Variants in RANBP17 observed in about 807,000 individuals in gnomAD.
RANBP17 encodes ran-binding protein 17.
In RANBP17, 158 loss-of-function variants were observed where a neutral mutation model predicts 141.2. The ratio of observed to expected loss-of-function variants is 1.12; its 90% CI spans 0.98 to 1.28. The LOEUF is 1.28. Ranked by LOEUF, RANBP17 falls within the 50% of genes most tolerant of loss-of-function variation. The pLI, the probability that RANBP17 is intolerant of heterozygous loss-of-function variation, is 0.00. For missense variants in RANBP17, 1,438 were observed against 1,290.7 expected (o/e 1.11, Z -1.75); for synonymous variants, 430 against 450.0 (o/e 0.96, Z 0.56).
intron 12 of RANBP17, among the ~76,000 whole-genome samples, chr5:170,944,089 G>A (rs753344373): frequency 1.3e-5 from 2 of 151,994 alleles, no homozygotes; most frequent in Non-Finnish European, 2.9e-5. Context: ...TTCTGCATAT[G>A]AGTGAGACCG....
At chr5:171,217,457 A>G (rs926291991) in intron 21 of RANBP17, among the ~76,000 whole-genome samples, 1 of 152,010 alleles carries the variant, frequency 6.6e-6, no homozygotes, top group African/African-American at 2.4e-5. Flanking sequence ...GTCTTTTTCT[A>G]TTGTTTGGAA....
chr5:170,996,445 G>C (rs1175958219), intron 14 of RANBP17, among the ~76,000 whole-genome samples: 1 of 152,112 alleles, frequency 6.6e-6, no homozygotes, highest in Non-Finnish European at 1.5e-5. Flanking sequence ...TTGAAATTGG[G>C]ATTTGTTTTA....
At chr5:170,937,034 AG>A (rs1339814809) in intron 12 of RANBP17, among the ~76,000 whole-genome samples, 1 of 152,148 alleles carries the variant, frequency 6.6e-6, no homozygotes, top group African/African-American at 2.4e-5. Context: ...TTATATTTAA[AG>A]TGTGTCTTTT....
At chr5:171,216,850 C>T (rs1434268845) in intron 21 of RANBP17, among the ~76,000 whole-genome samples, 2 of 152,174 alleles carry the variant, frequency 1.3e-5, no homozygotes, top group African/African-American at 2.4e-5. Flanking sequence ...ATCATGTCAT[C>T]GGCAAACAGA....
chr5:171,043,839 G>T (rs752864294), intron 14 of RANBP17, among the ~76,000 whole-genome samples: 1 of 152,066 alleles, frequency 6.6e-6, no homozygotes, highest in Non-Finnish European at 1.5e-5. Context: ...CTTAAGCCAT[G>T]GTTTGGAACT....
At chr5:170,981,538 G>T (rs1777771803) in intron 14 of RANBP17, among the ~76,000 whole-genome samples, 1 of 152,022 alleles carries the variant, frequency 6.6e-6, no homozygotes. Context: ...TATTAAAAGG[G>T]GGAGTTTTCC....
intron 13 of RANBP17, among the ~76,000 whole-genome samples, chr5:170,955,569 G>A (rs1172028636): frequency 8.0e-5 from 3 of 37,596 alleles, no homozygotes; most frequent in African/African-American, 2.5e-4. Flanking sequence ...ATATATATAT[G>A]CTCAGTCTGT....
intron 14 of RANBP17, among the ~76,000 whole-genome samples, chr5:171,150,139 G>C (rs2127830541): frequency 6.6e-6 from 1 of 152,180 alleles, no homozygotes; most frequent in East Asian, 1.9e-4. Flanking sequence ...TAAAATCTTT[G>C]AAAGTAGTTG....
intron 13 of RANBP17, among the ~76,000 whole-genome samples, chr5:170,954,085 C>T (rs1775416874): frequency 1.3e-5 from 2 of 152,140 alleles, no homozygotes; most frequent in Non-Finnish European, 2.9e-5. Flanking sequence ...ACCTATTGGC[C>T]ACAGTCTTAG....
intron 25 of RANBP17, among the ~76,000 whole-genome samples, chr5:171,287,704 A>G (rs1768256574): frequency 6.6e-6 from 1 of 151,578 alleles, no homozygotes; most frequent in Non-Finnish European, 1.5e-5. Context: ...CGCCTAAACC[A>G]GAGCCTTCTT....
chr5:171,234,519 CAGAT>C (rs1304675602), intron 22 of RANBP17, among the ~76,000 whole-genome samples: 1 of 152,138 alleles, frequency 6.6e-6, no homozygotes, highest in Non-Finnish European at 1.5e-5. Flanking sequence ...GCAGGGAAGT[CAGAT>C]AGGACAATAT....
At chr5:171,191,412 G>T (rs1262915124) in intron 18 of RANBP17, among the ~76,000 whole-genome samples, 2 of 152,122 alleles carry the variant, frequency 1.3e-5, no homozygotes, top group African/African-American at 4.8e-5. Context: ...TCAGAGGCCG[G>T]GCGCAGTGGC....
At chr5:170,957,817 C>T (rs1453956651) in intron 13 of RANBP17, among the ~76,000 whole-genome samples, 1 of 152,108 alleles carries the variant, frequency 6.6e-6, no homozygotes, top group African/African-American at 2.4e-5. Flanking sequence ...TCTGTGAGTT[C>T]AGTGTTAACA....
intron 1 of RANBP17, among the ~76,000 whole-genome samples, chr5:170,862,541 C>T (rs1303813306): frequency 1.3e-5 from 2 of 152,290 alleles, no homozygotes; most frequent in Non-Finnish European, 2.9e-5. Flanking sequence ...GGCTTGGGAT[C>T]CACCGAAGGA....
intron 14 of RANBP17, among the ~76,000 whole-genome samples, chr5:171,061,242 A>C (rs1201438186): frequency 5.3e-4 from 80 of 150,068 alleles, no homozygotes; most frequent in African/African-American, 1.8e-3. Context: ...TAGTTCTTTT[A>C]ATTGTGATGT....
Position 171,003,789 on chromosome 5 carries a change from G to A in RANBP17, c.1710+35412G>A, listed in dbSNP as rs1005783547. On this transcript the variant is annotated intron_variant, in intron 14 of 27. Coordinates refer to ENST00000523189, the MANE Select transcript of RANBP17 (RefSeq NM_022897.5). ...GCAGTACAGCCCAGGTAAGCTACTG[G>A]GACTGATGGGTGTCAGCGTCAGGCC... 2.0e-5 allele frequency among the ~76,000 whole-genome samples: 3 copies of A among 152,180 alleles called. 1 individual carries two copies. The highest frequency in any genetic ancestry group is 7.2e-5 in the African/African-American group (3 of 41,454).
chr5:171,120,967 C>T lies in RANBP17; in HGVS notation c.1711-49163C>T, dbSNP rs151066458. Among the ~76,000 whole-genome samples the T allele has an allele frequency of 4.3e-3, 661 of 152,268 alleles. 1 individual carries two copies. The highest frequency in any genetic ancestry group is 6.3e-3 in the Non-Finnish European group (429 of 68,026). On this transcript the variant is annotated intron_variant, in intron 14 of 27. Coordinates refer to ENST00000523189, the MANE Select transcript of RANBP17 (RefSeq NM_022897.5). ...TGGTGGCTTTGGTTTTATGTGGATG[C>T]AGCAGTGAATTCTGTGTAGCTTCTT...
chr5:171,065,855 T>C (rs1376904211), intron 14 of RANBP17, among the ~76,000 whole-genome samples: 1 of 151,964 alleles, frequency 6.6e-6, no homozygotes, highest in African/African-American at 2.4e-5. Flanking sequence ...CTAGCTATTC[T>C]TGTGTTTATT....
At chr5:171,027,060 G>T (rs1275910188) in intron 14 of RANBP17, among the ~76,000 whole-genome samples, 1 of 152,146 alleles carries the variant, frequency 6.6e-6, no homozygotes, top group Non-Finnish European at 1.5e-5. Flanking sequence ...TCTGAGGTGG[G>T]ACAGTTTTAT....
Sources: gnomAD v4.1 joint callset for allele counts (sites outside exome capture counted in the v4.1 genomes callset) on GRCh38, gnomAD v4.1.1 for gene constraint, MANE v1.5 for transcripts, NCBI Gene and HGNC (gene_info 2026-07-23, HGNC 2026-07-21) for gene names.